The following METTL15 variants were observed in gnomAD, a reference collection of about 807,000 sequenced individuals.
METTL15 encodes the protein 12S rRNA N(4)-cytidine methyltransferase METTL15.
Under a neutral mutation model 38.3 loss-of-function variants are expected in METTL15, and 34 were observed. The observed-to-expected ratio is 0.89, with a 90% CI of 0.68 to 1.18. The LOEUF is 1.18. Among genes scored for constraint, METTL15 ranks in the 50% most tolerant of loss-of-function variants. The pLI, the probability that METTL15 is intolerant of heterozygous loss-of-function variation, is 0.00. For synonymous variants in METTL15, 162 were observed against 170.9 expected (o/e 0.95, Z 0.41); for missense variants, 438 against 498.4 (o/e 0.88, Z 1.15).
chr11:28,491,597 T>C (rs568454816), intron 6 of METTL15, among the ~76,000 whole-genome samples: 1 of 152,226 alleles, frequency 6.6e-6, no homozygotes, highest in Non-Finnish European at 1.5e-5. Context: ...GTCACTCTTG[T>C]GTATAGTCAG....
chr11:28,239,618 C>T (rs1203794316), intron 4 of METTL15, among the ~76,000 whole-genome samples: 2 of 152,076 alleles, frequency 1.3e-5, no homozygotes, highest in Admixed American at 1.3e-4. Context: ...TATGTTGACC[C>T]CTGTTTTTTT....
chr11:28,371,662 A>G (rs970260861), intron 5 of METTL15, among the ~76,000 whole-genome samples: 3 of 151,930 alleles, frequency 2.0e-5, no homozygotes, highest in East Asian at 3.9e-4. Context: ...GTCTTCCTCA[A>G]TTTACTTCAT....
chr11:28,420,710 A>G (rs1250268021), intron 5 of METTL15, among the ~76,000 whole-genome samples: 2 of 152,098 alleles, frequency 1.3e-5, no homozygotes, highest in African/African-American at 4.8e-5. Flanking sequence ...TATGGGATAG[A>G]GCAAAAGCAG....
At chr11:28,239,533 C>A (rs149479833) in intron 4 of METTL15, among the ~76,000 whole-genome samples, 1 of 152,178 alleles carries the variant, frequency 6.6e-6, no homozygotes, top group Non-Finnish European at 1.5e-5. Context: ...CCATTAAAAT[C>A]CTTCTATAGT....
intron 3 of METTL15, among the ~76,000 whole-genome samples, chr11:28,199,172 T>G (rs536684860): frequency 6.6e-6 from 1 of 152,232 alleles, no homozygotes; most frequent in Admixed American, 6.5e-5. Flanking sequence ...GGTAATTTAA[T>G]TTATTTTTTT....
chr11:28,439,353 G>A (rs896089640), intron 6 of METTL15, among the ~76,000 whole-genome samples: 44 of 152,112 alleles, frequency 2.9e-4, no homozygotes, highest in African/African-American at 9.4e-4. Flanking sequence ...AATAATAAAC[G>A]CTCGCTATGC....
chr11:28,426,668 G>A (rs575703557), intron 6 of METTL15, among the ~76,000 whole-genome samples: 1 of 126,616 alleles, frequency 7.9e-6, no homozygotes, highest in African/African-American at 3.0e-5. Context: ...GTTTTGATTT[G>A]CATTTCTCTA....
At chr11:28,188,247 T>G (rs1321110574) in intron 3 of METTL15, among the ~76,000 whole-genome samples, 8 of 151,416 alleles carry the variant, frequency 5.3e-5, no homozygotes, top group Admixed American at 4.6e-4. Context: ...ATCACATATA[T>G]TATTTGAAAA....
intron 6 of METTL15, among the ~76,000 whole-genome samples, chr11:28,515,946 T>A (rs1851716115): frequency 6.6e-6 from 1 of 152,214 alleles, no homozygotes; most frequent in Admixed American, 6.5e-5. Flanking sequence ...TGAACATACA[T>A]CTTGATAGAC....
At chr11:28,278,067 C>T (rs1436259696) in intron 4 of METTL15, among the ~76,000 whole-genome samples, 1 of 152,170 alleles carries the variant, frequency 6.6e-6, no homozygotes, top group Non-Finnish European at 1.5e-5. Flanking sequence ...GCATTATATA[C>T]TTGTAACAAA....
intron 5 of METTL15, among the ~76,000 whole-genome samples, chr11:28,382,569 C>A (rs538692336): frequency 6.6e-6 from 1 of 152,184 alleles, no homozygotes; most frequent in Admixed American, 6.5e-5. Flanking sequence ...CTCAGTGGCT[C>A]ACACCTGTAA....
intron 5 of METTL15, 39 bp downstream of exon 5, chr11:28,290,436 T>A (rs1856467496): frequency 1.3e-6 from 2 of 1,555,740 alleles, no homozygotes; most frequent in Non-Finnish European, 1.7e-6. Context: ...CAACAAGAAA[T>A]CAATTTGTCA....
chr11:28,209,089 A>G (rs191793012), intron 3 of METTL15, among the ~76,000 whole-genome samples: 2 of 152,134 alleles, frequency 1.3e-5, no homozygotes, highest in African/African-American at 4.8e-5. Context: ...GGGCATAATC[A>G]TGATACATTA....
At chr11:28,297,467 T>C (rs1856782627) in intron 6 of METTL15, among the ~76,000 whole-genome samples, 1 of 152,174 alleles carries the variant, frequency 6.6e-6, no homozygotes, top group African/African-American at 2.4e-5. Flanking sequence ...ATATGATGTA[T>C]AGGTTATTCC....
At chr11:28,239,875 T>C (rs1232892702) in intron 4 of METTL15, among the ~76,000 whole-genome samples, 1 of 152,222 alleles carries the variant, frequency 6.6e-6, no homozygotes, top group Non-Finnish European at 1.5e-5. Context: ...CATCACCCTT[T>C]GACATAGTAC....
At chr11:28,181,842 C>T (rs1034296553) in intron 3 of METTL15, among the ~76,000 whole-genome samples, 1 of 152,054 alleles carries the variant, frequency 6.6e-6, no homozygotes, top group Non-Finnish European at 1.5e-5. Flanking sequence ...TACTGTCTTC[C>T]ACAATGGTTG....
intron 3 of METTL15, among the ~76,000 whole-genome samples, chr11:28,115,723 G>A (rs1003844101): frequency 2.6e-5 from 4 of 152,128 alleles, no homozygotes; most frequent in African/African-American, 4.8e-5. Flanking sequence ...TTCTTGTTAA[G>A]TAGACTGAGG....
chr11:28,326,215 C>T (rs1325822279), intron 6 of METTL15, among the ~76,000 whole-genome samples: 1 of 151,950 alleles, frequency 6.6e-6, no homozygotes, highest in Non-Finnish European at 1.5e-5. Flanking sequence ...GACCATTTTT[C>T]TGTCTTATTA....
intron 5 of METTL15, among the ~76,000 whole-genome samples, chr11:28,403,205 C>T (rs1850645206): frequency 6.6e-6 from 1 of 151,936 alleles, no homozygotes; most frequent in Admixed American, 6.6e-5. Flanking sequence ...CTTGGGTGTT[C>T]TTTAATTCAA....
Sources: gnomAD v4.1 joint callset for allele counts (sites outside exome capture counted in the v4.1 genomes callset) on GRCh38, gnomAD v4.1.1 for gene constraint, MANE v1.5 for transcripts, NCBI Gene and HGNC (gene_info 2026-07-23, HGNC 2026-07-21) for gene names.